The following BCKDHB variants were observed in gnomAD, a reference collection of about 807,000 sequenced individuals.
BCKDHB encodes 2-oxoisovalerate dehydrogenase subunit beta, mitochondrial.
A neutral mutation model predicts 48.5 loss-of-function variants in BCKDHB; 41 were observed. That is an observed-to-expected ratio of 0.85 (90% CI 0.66 to 1.10). The LOEUF is 1.10. Ranked by LOEUF, BCKDHB falls within the 50% of genes least tolerant of loss-of-function variation. The pLI, the probability that BCKDHB is intolerant of heterozygous loss-of-function variation, is 0.00. For synonymous variants in BCKDHB, 201 were observed against 174.8 expected, an observed-to-expected ratio of 1.15 and a Z score of -1.18; for missense variants, 496 against 494.2, an observed-to-expected ratio of 1.00 and a Z score of -0.03.
intron 8 of BCKDHB, among the ~76,000 whole-genome samples, chr6:80,237,194 C>T (rs542738255): frequency 6.6e-6 from 1 of 152,168 alleles, no homozygotes; most frequent in Admixed American, 6.5e-5. Context: ...GGATTTTACA[C>T]CATTTAAGGA....
intron 9 of BCKDHB, among the ~76,000 whole-genome samples, chr6:80,287,059 G>A (rs998445511): frequency 6.6e-6 from 1 of 152,248 alleles, no homozygotes; most frequent in South Asian, 2.1e-4. Context: ...AACTGGTGGG[G>A]AGTGAGTAGA....
At chr6:80,243,540 C>A (rs9341808) in intron 8 of BCKDHB, among the ~76,000 whole-genome samples, 78,736 of 151,538 alleles carry the variant, frequency 0.52, 20,763 homozygotes, top group East Asian at 0.68. Flanking sequence ...ATCTCTCTCT[C>A]TATATTTTTT....
rs111935261 is a variant in BCKDHB, at chr6:80,286,606, T to C, written c.1038+13385T>C. Reference sequence around the variant, plus strand: ...CTTAAGTTAATGTCTTCTGAGAGGGTAGAATTCCTTATTATACACATATGG... The same window carrying C: ...CTTAAGTTAATGTCTTCTGAGAGGGCAGAATTCCTTATTATACACATATGG... On this transcript the variant is annotated intron_variant, in intron 9 of 9. Coordinates refer to ENST00000320393, the MANE Select transcript of BCKDHB (RefSeq NM_183050.4). Among the ~76,000 whole-genome samples, 87 of 152,274 alleles carry C rather than the reference T, an allele frequency of 5.7e-4. No individual in the cohort carries two copies. The East Asian group carries it at 0.011, about 19-fold the overall frequency.
chr6:80,400,380 A>G, the BCKDHB span, among the ~76,000 whole-genome samples: 1 of 152,062 alleles, frequency 6.6e-6, no homozygotes, highest in Non-Finnish European at 1.5e-5. Context: ...AAAAACACCG[A>G]AAAAACCACC....
At chr6:80,319,788 C>T (rs1768622067) in intron 9 of BCKDHB, among the ~76,000 whole-genome samples, 1 of 152,126 alleles carries the variant, frequency 6.6e-6, no homozygotes, top group Admixed American at 6.5e-5. Flanking sequence ...ATTTTTCTCT[C>T]TGATTAAGGT....
chr6:80,448,420 G>C, the BCKDHB span, among the ~76,000 whole-genome samples: 1 of 152,118 alleles, frequency 6.6e-6, no homozygotes, highest in East Asian at 1.9e-4. Context: ...GGGAAGAGGA[G>C]AGAAAGCAAG....
rs534450445 is a variant in BCKDHB, at chr6:80,128,415, C to T, written c.275-746C>T. Among the ~76,000 whole-genome samples, 7 of 151,904 alleles carry T rather than the reference C, an allele frequency of 4.6e-5. No individual in the cohort carries two copies. The East Asian group carries it at 5.8e-4, about 13-fold the overall frequency. On this transcript the variant is annotated intron_variant, in intron 2 of 9. Coordinates refer to ENST00000320393, the MANE Select transcript of BCKDHB (RefSeq NM_183050.4). ...AGAAGGGTGAGTTTTTTCTTGGGGTCGATAAAAACTGGTTAGGTACGTTTA... is the reference window on the plus strand; with the variant it reads ...AGAAGGGTGAGTTTTTTCTTGGGGTTGATAAAAACTGGTTAGGTACGTTTA...
chr6:80,151,509 G>T (rs972667277), intron 3 of BCKDHB, among the ~76,000 whole-genome samples: 1 of 151,806 alleles, frequency 6.6e-6, no homozygotes, highest in Non-Finnish European at 1.5e-5. Flanking sequence ...CTGTATGTGG[G>T]CCTTTAGTTA....
chr6:80,214,900 A>C (rs1349139565), intron 8 of BCKDHB, among the ~76,000 whole-genome samples: 1 of 152,194 alleles, frequency 6.6e-6, no homozygotes, highest in Non-Finnish European at 1.5e-5. Flanking sequence ...AGGTAAAATT[A>C]TATGTCTTCT....
intron 1 of BCKDHB, among the ~76,000 whole-genome samples, chr6:80,121,772 T>G (rs1167776196): frequency 6.6e-6 from 1 of 152,210 alleles, no homozygotes; most frequent in African/African-American, 2.4e-5. Context: ...GATGGGGTTT[T>G]CTAAATATAC....
rs145659363 is a variant in BCKDHB at position 80,179,308 on chromosome 6, G to A, written c.742+7918G>A. Among the ~76,000 whole-genome samples the A allele has an allele frequency of 1.2e-3, 186 of 152,078 alleles. 1 individual carries two copies. Among genetic ancestry groups the A allele is most frequent in the African/African-American group, 4.1e-3 (170 of 41,468 alleles). ...CTGAATGGAAATATATACAGTTGGC[G>A]CTTTTTATCTGTGGGTTCCAGAGCC... On this transcript the variant is annotated intron_variant, in intron 6 of 9. Coordinates refer to ENST00000320393, the MANE Select transcript of BCKDHB (RefSeq NM_183050.4).
At chr6:80,249,911 A>G (rs556040472) in intron 8 of BCKDHB, among the ~76,000 whole-genome samples, 12 of 152,314 alleles carry the variant, frequency 7.9e-5, no homozygotes, top group Middle Eastern at 6.8e-3. Flanking sequence ...CATTGTTGTA[A>G]GCACCTGCCT....
At chr6:80,330,209 A>G (rs887415150) in intron 9 of BCKDHB, among the ~76,000 whole-genome samples, 9 of 152,260 alleles carry the variant, frequency 5.9e-5, no homozygotes, top group Admixed American at 5.2e-4. Flanking sequence ...GGGAACCAGG[A>G]AAACCTTTTA....
At chr6:80,319,242 G>A (rs1403170432) in intron 9 of BCKDHB, among the ~76,000 whole-genome samples, 1 of 152,158 alleles carries the variant, frequency 6.6e-6, no homozygotes, top group African/African-American at 2.4e-5. Context: ...GGAATCAGTA[G>A]GAATCAGAAT....
At chr6:80,245,504 A>G (rs1258146489) in intron 8 of BCKDHB, among the ~76,000 whole-genome samples, 4 of 152,140 alleles carry the variant, frequency 2.6e-5, no homozygotes. Context: ...CACCTTTTAG[A>G]TACTTGGTAA....
At chr6:80,253,019 A>G (rs1273590787) in intron 8 of BCKDHB, among the ~76,000 whole-genome samples, 1 of 152,200 alleles carries the variant, frequency 6.6e-6, no homozygotes, top group Non-Finnish European at 1.5e-5. Context: ...TCCTCACAAC[A>G]TCTGCATCAG....
chr6:80,144,525 A>G (rs752989547), intron 3 of BCKDHB, among the ~76,000 whole-genome samples: 1 of 152,140 alleles, frequency 6.6e-6, no homozygotes, highest in Non-Finnish European at 1.5e-5. Flanking sequence ...GATGAAGGTG[A>G]ATCGGGAGGG....
chr6:80,107,131 G>A (rs1355284739), intron 1 of BCKDHB, among the ~76,000 whole-genome samples: 1 of 151,772 alleles, frequency 6.6e-6, no homozygotes, highest in East Asian at 1.9e-4. Flanking sequence ...GGGTGAGAGG[G>A]CATACTGCCA....
chr6:80,338,782 C>T (rs1332670236), intron 9 of BCKDHB, among the ~76,000 whole-genome samples: 4 of 152,054 alleles, frequency 2.6e-5, no homozygotes, highest in African/African-American at 9.7e-5. Context: ...AAACCAGGTA[C>T]TTTTTATATG....
Sources: gnomAD v4.1 joint callset for allele counts (sites outside exome capture counted in the v4.1 genomes callset) on GRCh38, gnomAD v4.1.1 for gene constraint, MANE v1.5 for transcripts, NCBI Gene and HGNC (gene_info 2026-07-23, HGNC 2026-07-21) for gene names.